The following IFT25 variants were observed in gnomAD, a reference collection of about 807,000 sequenced individuals.
IFT25 encodes intraflagellar transport protein 25 homolog.
the IFT25 span, among the ~76,000 whole-genome samples, chr1:53,919,997 C>T: frequency 6.6e-5 from 10 of 152,222 alleles, no homozygotes; most frequent in Admixed American, 2.0e-4. Flanking sequence ...TGGGGTCTAG[C>T]TATGTTGCTC....
At chr1:53,936,289 A>G in the IFT25 span, among the ~76,000 whole-genome samples, 1 of 152,058 alleles carries the variant, frequency 6.6e-6, no homozygotes, top group Non-Finnish European at 1.5e-5. Context: ...TTCCATCTCA[A>G]AAAAACAAAA....
chr1:53,937,128 T>C, the IFT25 span, among the ~76,000 whole-genome samples: 4 of 152,130 alleles, frequency 2.6e-5, no homozygotes, highest in Non-Finnish European at 4.4e-5. Flanking sequence ...AACTTTTGGT[T>C]TTTCTTTGAG....
At chr1:53,919,244 T>G in the IFT25 span, among the ~76,000 whole-genome samples, 1 of 152,210 alleles carries the variant, frequency 6.6e-6, no homozygotes, top group East Asian at 1.9e-4. Context: ...ACAGCAAATC[T>G]GATGGCAAAC....
the IFT25 span, among the ~76,000 whole-genome samples, chr1:53,916,394 T>C: frequency 1.3e-5 from 2 of 152,186 alleles, no homozygotes; most frequent in Admixed American, 6.5e-5. Flanking sequence ...TCATCAATTG[T>C]TTCCTGCATC....
At chr1:53,938,966 C>T in the IFT25 span, among the ~76,000 whole-genome samples, 523 of 144,956 alleles carry the variant, frequency 3.6e-3, 2 homozygotes, top group African/African-American at 0.013. Flanking sequence ...CCCAGCTACT[C>T]GGGAGGCTGA....
chr1:53,931,819 CTAA>C, the IFT25 span, among the ~76,000 whole-genome samples: 5 of 151,728 alleles, frequency 3.3e-5, no homozygotes, highest in African/African-American at 1.2e-4. Context: ...ATTATTTTTT[CTAA>C]TAATTGTCTA....
At chr1:53,943,511 G>A in the IFT25 span, among the ~76,000 whole-genome samples, 2,268 of 152,174 alleles carry the variant, frequency 0.015, 69 homozygotes, top group African/African-American at 0.051. Context: ...CATCATATAC[G>A]GGACAGCACA....
chr1:53,920,141 A>T, the IFT25 span, among the ~76,000 whole-genome samples: 1 of 152,144 alleles, frequency 6.6e-6, no homozygotes, highest in African/African-American at 2.4e-5. Context: ...CACATCAATG[A>T]GCAGGAATTC....
the IFT25 span, chr1:53,916,639 T>C: frequency 3.2e-3 from 933 of 291,176 alleles, 5 homozygotes; most frequent in African/African-American, 0.019. Flanking sequence ...CTCAAAAACC[T>C]TAAATGGTTC....
chr1:53,931,935 T>G, the IFT25 span, among the ~76,000 whole-genome samples: 2 of 152,212 alleles, frequency 1.3e-5, no homozygotes, highest in Non-Finnish European at 1.5e-5. Context: ...AAATTTAGAT[T>G]ATTGGTTTTA....
chr1:53,940,609 T>C, the IFT25 span, among the ~76,000 whole-genome samples: 1 of 152,144 alleles, frequency 6.6e-6, no homozygotes, highest in Non-Finnish European at 1.5e-5. Context: ...AATATAAAGA[T>C]ACAGACTAAA....
the IFT25 span, among the ~76,000 whole-genome samples, chr1:53,932,595 C>T: frequency 3.9e-5 from 6 of 152,206 alleles, no homozygotes; most frequent in Admixed American, 6.5e-5. Flanking sequence ...GACAGAGTCT[C>T]GCTCTGTCAC....
the IFT25 span, chr1:53,917,178 C>CA: frequency 3.5e-3 from 498 of 144,004 alleles, 2 homozygotes; most frequent in South Asian, 7.7e-3. Flanking sequence ...GACTCCATCT[C>CA]AAAAAAAAAA....
At chr1:53,930,868 A>G in the IFT25 span, among the ~76,000 whole-genome samples, 3 of 152,226 alleles carry the variant, frequency 2.0e-5, no homozygotes, top group Non-Finnish European at 4.4e-5. Context: ...ATTTTAAGTC[A>G]TATATAGGCA....
the IFT25 span, among the ~76,000 whole-genome samples, chr1:53,927,057 C>T: frequency 2.0e-5 from 3 of 152,206 alleles, no homozygotes; most frequent in Admixed American, 6.5e-5. Flanking sequence ...CTTGTCTATT[C>T]GTGGTTTCAC....
the IFT25 span, chr1:53,916,868 G>A: frequency 7.3e-5 from 29 of 394,758 alleles, no homozygotes; most frequent in Non-Finnish European, 1.2e-4. Flanking sequence ...CGGGCCGGGC[G>A]CAGTGGCTCA....
chr1:53,934,603 G>A, the IFT25 span, among the ~76,000 whole-genome samples: 5 of 152,264 alleles, frequency 3.3e-5, no homozygotes, highest in Non-Finnish European at 4.4e-5. Flanking sequence ...TGATGAATGC[G>A]TAAATAAAAT....
chr1:53,913,910 C>T, the IFT25 span, among the ~76,000 whole-genome samples: 5 of 152,284 alleles, frequency 3.3e-5, no homozygotes, highest in Admixed American at 6.5e-5. Flanking sequence ...GAAACTATGC[C>T]GGCACCCTGA....
chr1:53,914,854 A>G, the IFT25 span, among the ~76,000 whole-genome samples: 1 of 152,184 alleles, frequency 6.6e-6, no homozygotes, highest in Admixed American at 6.5e-5. Context: ...CAAATGCAAT[A>G]TGCTATAAAA....
Sources: gnomAD v4.1 joint callset for allele counts (sites outside exome capture counted in the v4.1 genomes callset) on GRCh38, gnomAD v4.1.1 for gene constraint, MANE v1.5 for transcripts, NCBI Gene and HGNC (gene_info 2026-07-23, HGNC 2026-07-21) for gene names.